GPR155: variants seen among roughly 807,000 people sequenced by gnomAD.
GPR155 encodes the protein G protein-coupled receptor 155.
Under a neutral mutation model 93.1 loss-of-function variants are expected in GPR155, and 65 were observed. The observed-to-expected ratio is 0.70, with a 90% CI of 0.57 to 0.86. GPR155 has a LOEUF of 0.86. Ranked by LOEUF, GPR155 falls within the 40% of genes least tolerant of loss-of-function variation. The pLI is 0.00. For synonymous variants in GPR155, 319 were observed against 360.1 expected, an observed-to-expected ratio of 0.89 and a Z score of 1.29; for missense variants, 838 against 1,034.8, an observed-to-expected ratio of 0.81 and a Z score of 2.61.
chr2:174,465,761 A>G (rs1411189501), intron 7 of GPR155, 24 bp downstream of exon 7: 3 of 1,132,048 alleles, frequency 2.7e-6, no homozygotes, highest in Non-Finnish European at 2.7e-6. Flanking sequence ...ACAGATCTCA[A>G]TTTCCATTCA....
chr2:174,437,521 A>G (rs2105659074), intron 15 of GPR155, among the ~76,000 whole-genome samples: 1 of 149,948 alleles, frequency 6.7e-6, no homozygotes, highest in South Asian at 2.1e-4. Flanking sequence ...CCTGGATATT[A>G]TACTCTGTGT....
At chr2:174,452,969 A>G (rs1408641286) in intron 11 of GPR155, among the ~76,000 whole-genome samples, 1 of 152,152 alleles carries the variant, frequency 6.6e-6, no homozygotes, top group Non-Finnish European at 1.5e-5. Context: ...TTACTTTTAA[A>G]GGTGTTTGTT....
intron 11 of GPR155, among the ~76,000 whole-genome samples, chr2:174,450,440 T>G (rs1380438522): frequency 6.6e-6 from 1 of 152,166 alleles, no homozygotes; most frequent in Non-Finnish European, 1.5e-5. Flanking sequence ...TATACCCAGG[T>G]AGCAAAACTG....
At chr2:174,481,310 T>A (rs1043001604) in intron 2 of GPR155, among the ~76,000 whole-genome samples, 187 bp downstream of exon 2, 1 of 152,204 alleles carries the variant, frequency 6.6e-6, no homozygotes, top group African/African-American at 2.4e-5. Context: ...TGACCGTTTA[T>A]TTTAGGTAGA....
chr2:174,446,866 A>T (rs566316507), intron 11 of GPR155, 119 bp from the exon 12 acceptor site: 4 of 875,928 alleles, frequency 4.6e-6, no homozygotes, highest in Non-Finnish European at 7.2e-6. Flanking sequence ...GAATCAGTAT[A>T]TTATTTTAGA....
At chr2:174,460,691 TG>T (rs1272038618) in intron 9 of GPR155, among the ~76,000 whole-genome samples, 1 of 152,210 alleles carries the variant, frequency 6.6e-6, no homozygotes, top group Non-Finnish European at 1.5e-5. Context: ...TTCTCTCCGA[TG>T]TTTTCTTTAC....
intron 11 of GPR155, among the ~76,000 whole-genome samples, chr2:174,447,457 CAATT>C (rs1687172297): frequency 7.1e-6 from 1 of 141,262 alleles, no homozygotes; most frequent in Non-Finnish European, 1.5e-5. Context: ...AATTATATAA[CAATT>C]ATATATTATG....
chr2:174,434,421 A>G lies in GPR155; in HGVS notation c.*1695T>C, dbSNP rs928856736. On this transcript the variant is annotated 3_prime_UTR_variant, in exon 16 of 16. Transcript: ENST00000392552. ...GGCAATAATTTTGTTGATAAAATTC[A>G]AATTAATCTACTCAAATTATTATTT... 6.6e-6 allele frequency: 1 copy of G among 152,092 alleles called. No individual in the cohort carries two copies. The highest frequency in any genetic ancestry group is 2.4e-5 in the African/African-American group (1 of 41,424). The allele number at this position is 152,092 out of a possible 1,614,324, so 9.4% of individuals were successfully genotyped here. A position where few individuals can be genotyped will look rare whatever the true frequency, so the allele number is the denominator to read the frequency against.
Position 174,467,432 on chromosome 2 carries a change from G to A in GPR155, c.1183-805C>T, listed in dbSNP as rs559660011. Among the ~76,000 whole-genome samples, 4 of 152,224 alleles carry A rather than the reference G, an allele frequency of 2.6e-5. No individual in the cohort carries two copies. The South Asian group carries it at 8.3e-4, about 32-fold the overall frequency. The stretch of plus-strand genomic sequence containing the variant: ...GGAGGGAGAAGTTGCAGTGAGCCAA[G>A]CCAAGATCATACCACTGCACTCCAG... On this transcript the variant is annotated intron_variant, in intron 5 of 15. Transcript: ENST00000392552.
In GPR155 at chr2:174,432,070, A is replaced by G. The variant is rs1248562029; in HGVS notation, c.*4046T>C. On this transcript the variant is annotated 3_prime_UTR_variant, in exon 16 of 16. Coordinates refer to ENST00000392552, the MANE Select transcript of GPR155 (RefSeq NM_152529.7). ...GACTCAATGTCATATTGACTCATTC[A>G]TAAAAGTGTTTATAGAATGCGTAAT... The G allele has an allele frequency of 6.6e-6, 1 of 152,352 alleles. No homozygotes were observed. Among genetic ancestry groups the G allele is most frequent in the Non-Finnish European group, 1.5e-5 (1 of 68,046 alleles). The allele number at this position is 152,352 out of a possible 1,614,324, so 9.4% of individuals were successfully genotyped here.
chr2:174,435,097 TA>T lies in GPR155; in HGVS notation c.*1018del, dbSNP rs1559092422. 1 of 152,222 alleles carries T rather than the reference TA, an allele frequency of 6.6e-6. No homozygotes were observed. Among genetic ancestry groups the T allele is most frequent in the Non-Finnish European group, 1.5e-5 (1 of 68,042 alleles). The allele number at this position is 152,222 out of a possible 1,614,324, so 9.4% of individuals were successfully genotyped here. A position where few individuals can be genotyped will look rare whatever the true frequency, so the allele number is the denominator to read the frequency against. ...AATACACTTGCCAAATTTGATAATTTATAGGAACAGTTAATAGGATATTAAT... is the reference window on the plus strand; with the variant it reads ...AATACACTTGCCAAATTTGATAATTTTAGGAACAGTTAATAGGATATTAAT... On this transcript the variant is annotated 3_prime_UTR_variant, in exon 16 of 16. Coordinates refer to ENST00000392552, the MANE Select transcript of GPR155 (RefSeq NM_152529.7).
At chr2:174,444,668 T>G (rs963551585) in intron 13 of GPR155, among the ~76,000 whole-genome samples, 2 of 151,826 alleles carry the variant, frequency 1.3e-5, no homozygotes, top group Admixed American at 6.6e-5. Context: ...AATTTTTTTG[T>G]ATTTTTTTGT....
chr2:174,481,088 C>T (rs1440136790), intron 2 of GPR155, among the ~76,000 whole-genome samples: 1 of 152,122 alleles, frequency 6.6e-6, no homozygotes, highest in East Asian at 1.9e-4. Context: ...AGAACAATTT[C>T]TGATATAAAA....
intron 14 of GPR155, 57 bp downstream of exon 14, chr2:174,442,062 T>C (rs1322326504): frequency 8.8e-6 from 8 of 910,426 alleles, no homozygotes; most frequent in South Asian, 2.6e-5. Context: ...AGTATCTTAA[T>C]ATAATGGCTT....
At chr2:174,462,126 C>CAG (rs1482743436) in intron 7 of GPR155, among the ~76,000 whole-genome samples, 1 of 151,924 alleles carries the variant, frequency 6.6e-6, no homozygotes, top group East Asian at 1.9e-4. Context: ...TTTGTAGAGA[C>CAG]AGAGTCATAC....
intron 4 of GPR155, 101 bp downstream of exon 4, chr2:174,470,289 T>C: frequency 1.0e-6 from 1 of 996,386 alleles, no homozygotes; most frequent in East Asian, 2.7e-5. Context: ...GTCGTCTCTA[T>C]TTTTTCATTT....
In GPR155 at chr2:174,470,414, T is replaced by G; in HGVS notation, c.1002A>C (p.Thr334=). ...CAATTTCTACTTCCATGTTGAATTGTGTTGCAAAGATAGCCACTCCTGGTG... is the reference window on the plus strand; with the variant it reads ...CAATTTCTACTTCCATGTTGAATTGGGTTGCAAAGATAGCCACTCCTGGTG... ...PVAPGVAIFA[T]QFNMEVEIIT... Residue 334 remains threonine (T), a synonymous_variant, in exon 4 of 16, where the codon ACA becomes ACC. Transcript: ENST00000392552. 1.2e-6 allele frequency: 2 copies of G among 1,613,642 alleles called. No individual in the cohort carries two copies. The highest frequency in any genetic ancestry group is 1.7e-6 in the Non-Finnish European group (2 of 1,179,654).
intron 15 of GPR155, among the ~76,000 whole-genome samples, chr2:174,437,735 C>A (rs540813416): frequency 6.6e-6 from 1 of 151,888 alleles, no homozygotes; most frequent in Non-Finnish European, 1.5e-5. Flanking sequence ...CAGGCATGCG[C>A]CACCACACCT....
At chr2:174,455,363 G>A (rs1340455432) in intron 10 of GPR155, among the ~76,000 whole-genome samples, 1 of 105,886 alleles carries the variant, frequency 9.4e-6, no homozygotes, top group Non-Finnish European at 2.0e-5. Context: ...GGGAGAGGTG[G>A]CAGAATAGGC....
Sources: gnomAD v4.1 joint callset for allele counts (sites outside exome capture counted in the v4.1 genomes callset) on GRCh38, gnomAD v4.1.1 for gene constraint, MANE v1.5 for transcripts, NCBI Gene and HGNC (gene_info 2026-07-23, HGNC 2026-07-21) for gene names.